The following BACE2 variants were observed in gnomAD, a reference collection of about 807,000 sequenced individuals.
The protein encoded by BACE2 is 56 kDa aspartic-like protease.
BACE2 carries 17 observed loss-of-function variants against 46.2 expected under a neutral mutation model. That is an observed-to-expected ratio of 0.37 (90% confidence interval 0.25 to 0.55). The LOEUF (loss-of-function observed/expected upper bound fraction) is 0.55, where lower values mean the gene tolerates loss of function less well. Ranked by LOEUF, BACE2 falls within the 20% of genes least tolerant of loss-of-function variation. The pLI is 0.82. For synonymous variants in BACE2, 277 were observed against 295.9 expected (o/e 0.94, Z 0.66); for missense variants, 595 against 698.1 (o/e 0.85, Z 1.66).
At chr21:41,218,197 A>G (rs933539629) in intron 1 of BACE2, among the ~76,000 whole-genome samples, 13 of 152,222 alleles carry the variant, frequency 8.5e-5, no homozygotes, top group Admixed American at 2.0e-4. Context: ...CTTTGTGGCT[A>G]TGGAAAGAAT....
At chr21:41,169,752 G>A (rs1204710882) in intron 1 of BACE2, among the ~76,000 whole-genome samples, 1 of 151,992 alleles carries the variant, frequency 6.6e-6, no homozygotes, top group East Asian at 1.9e-4. Flanking sequence ...ATTAGTTTAG[G>A]GGGAAAAAAA....
At chr21:41,253,326 C>T (rs1026653372) in intron 7 of BACE2, among the ~76,000 whole-genome samples, 2 of 151,466 alleles carry the variant, frequency 1.3e-5, no homozygotes, top group Non-Finnish European at 2.9e-5. Context: ...CCTGTAATCC[C>T]AGCTACCTGG....
rs1035665597 is a variant in BACE2 at position 41,236,457 on chromosome 21, G to A, written c.402-1056G>A. Among the ~76,000 whole-genome samples, 9 of 152,274 alleles carry A rather than the reference G, an allele frequency of 5.9e-5. No homozygotes were observed. The South Asian group carries it at 6.2e-4, about 11-fold the overall frequency. On this transcript the variant is annotated intron_variant, in intron 2 of 8. Transcript: ENST00000330333. ...CATAAACTGAGGGGGCAGGACTTTC[G>A]TCTGATCTTGTGAATGTCGTTCTGC...
Position 41,226,237 on chromosome 21 carries a change from A to AT in BACE2, c.313-19dup, listed in dbSNP as rs753326379. 8.7e-3 allele frequency: 11,509 copies of AT among 1,325,906 alleles called. 1 individual carries two copies. The highest frequency in any genetic ancestry group is 9.9e-3 in the Non-Finnish European group (9,531 of 966,660). The allele number at this position is 1,325,906 out of a possible 1,614,324, so 82.1% of individuals were successfully genotyped here. A position where few individuals can be genotyped will look rare whatever the true frequency, so the allele number is the denominator to read the frequency against. On this transcript the variant is annotated intron_variant, in intron 1 of 8. Coordinates refer to ENST00000330333, the MANE Select transcript of BACE2 (RefSeq NM_012105.5). ...TTATTAAAATAACTTGATGCTTTCTATTTTTTTTTTCTCCTTAAAACATAA... is the reference window on the plus strand; with the variant it reads ...TTATTAAAATAACTTGATGCTTTCTATTTTTTTTTTTCTCCTTAAAACATAA...
rs537677612 is a variant in BACE2, at chr21:41,261,158, A to G, written c.1303+3832A>G. On this transcript the variant is annotated intron_variant, in intron 8 of 8. Transcript: ENST00000330333. ...TGTAGATGAATGAGATCACCTAGGA[A>G]TGGAATTTCTAAATGATTTATTATG... Among the ~76,000 whole-genome samples, 4 of 152,308 alleles carry G rather than the reference A, an allele frequency of 2.6e-5. No homozygotes were observed. The South Asian group carries it at 8.3e-4, about 32-fold the overall frequency.
At chr21:41,260,002 T>C (rs1387127063) in intron 8 of BACE2, among the ~76,000 whole-genome samples, 1 of 151,966 alleles carries the variant, frequency 6.6e-6, no homozygotes, top group Non-Finnish European at 1.5e-5. Flanking sequence ...AGATAATTTT[T>C]TGTATTTTCT....
rs1183406716 is a variant in BACE2, at chr21:41,224,273, G to A, written c.313-1993G>A. ...TCTGTCACCCAGGCTGGAATGCAGT[G>A]GTGCGATCTCGGCTCACTGCAACCT... On this transcript the variant is annotated intron_variant, in intron 1 of 8. Transcript: ENST00000330333. Among the ~76,000 whole-genome samples, 20 of 135,688 alleles carry A rather than the reference G, an allele frequency of 1.5e-4. No homozygotes were observed. The Admixed American group carries it at 1.6e-3, about 11-fold the overall frequency. 89.0% of individuals were successfully genotyped at this position (135,688 alleles called of 152,430 possible). A position where few individuals can be genotyped will look rare whatever the true frequency, so the allele number is the denominator to read the frequency against.
In BACE2 at chr21:41,275,527, T is replaced by G. The variant is rs1461309087; in HGVS notation, c.1460T>G (p.Ile487Ser). ...SVCGAILLVL[I>S]VLLLLPFRCQ... ...TGTGGAGCCATCCTCCTTGTCTTAA[T>G]CGTCCTGCTGCTGCTGCCGTTCCGG... The change falls in exon 9 of 9, where the codon ATC becomes AGC. Residue 487 changes from isoleucine to serine, a missense_variant. Around this residue, in one of 3 missense-constraint regions of BACE2, gnomAD observed 343 missense variants for 419.4 expected, o/e 0.82. Coordinates refer to ENST00000330333, the MANE Select transcript of BACE2 (RefSeq NM_012105.5). 6.2e-7 allele frequency: 1 copy of G among 1,613,990 alleles called. No homozygotes were observed. Among genetic ancestry groups the G allele is most frequent in the African/African-American group, 1.3e-5 (1 of 74,910 alleles).
At chr21:41,216,594 C>A (rs1915474262) in intron 1 of BACE2, among the ~76,000 whole-genome samples, 2 of 152,158 alleles carry the variant, frequency 1.3e-5, no homozygotes, top group African/African-American at 4.8e-5. Flanking sequence ...CGGGTCTGGG[C>A]GTGTGAGAAC....
intron 8 of BACE2, among the ~76,000 whole-genome samples, chr21:41,262,953 C>G (rs1300472512): frequency 2.8e-5 from 4 of 142,582 alleles, no homozygotes; most frequent in Non-Finnish European, 4.6e-5. Context: ...TATTTTAAAT[C>G]ACTTGTAGTT....
At chr21:41,208,058 G>C (rs1322644780) in intron 1 of BACE2, among the ~76,000 whole-genome samples, 2 of 152,194 alleles carry the variant, frequency 1.3e-5, no homozygotes, top group Non-Finnish European at 1.5e-5. Context: ...GAAGGGAGAG[G>C]AATGCAGGCA....
In BACE2 at chr21:41,179,297, G is replaced by T. The variant is rs774184796; in HGVS notation, c.312+10722G>T. On this transcript the variant is annotated intron_variant, in intron 1 of 8. Coordinates refer to ENST00000330333, the MANE Select transcript of BACE2 (RefSeq NM_012105.5). ...AGTGAGGGAGTCCAGGGTGAGGATT[G>T]AGGGTGTCAGGGTGAGTGAGAGTGT... The T allele has an allele frequency of 3.1e-6, 4 of 1,310,596 alleles. No homozygotes were observed. In the South Asian group the frequency reaches 5.0e-5, roughly 16 times the overall value. 81.2% of individuals were successfully genotyped at this position (1,310,596 alleles called of 1,614,324 possible).
rs978622898 is a variant in BACE2 at position 41,227,149 on chromosome 21, A to C, written c.401+795A>C. The stretch of plus-strand genomic sequence containing the variant: ...CTAATGCTGTGCACGTTTTGATGTC[A>C]CAACTATTTTTACGATTCTGAAATT... On this transcript the variant is annotated intron_variant, in intron 2 of 8. Coordinates refer to ENST00000330333, the MANE Select transcript of BACE2 (RefSeq NM_012105.5). 5.3e-5 allele frequency among the ~76,000 whole-genome samples: 8 copies of C among 152,244 alleles called. 1 individual carries two copies. Among genetic ancestry groups the C allele is most frequent in the African/African-American group, 1.9e-4 (8 of 41,466 alleles).
intron 2 of BACE2, among the ~76,000 whole-genome samples, chr21:41,227,084 G>A (rs975230166): frequency 4.6e-5 from 7 of 152,220 alleles, no homozygotes; most frequent in African/African-American, 1.7e-4. Flanking sequence ...AGGAGCCCGT[G>A]GGGTCTAGAG....
At position 41,245,997 on chromosome 21, in the gene BACE2, C is replaced by T; in HGVS notation, c.918C>T (p.Thr306=). 2 of 1,611,270 alleles carry T rather than the reference C, an allele frequency of 1.2e-6. No individual in the cohort carries two copies. The highest frequency in any genetic ancestry group is 1.7e-6 in the Non-Finnish European group (2 of 1,178,858). Residue 306 remains threonine (T), a synonymous_variant, in exon 6 of 9, where the codon ACC becomes ACT. Coordinates refer to ENST00000330333, the MANE Select transcript of BACE2 (RefSeq NM_012105.5). ...ACAAGGCCATCGTGGACAGTGGCAC[C>T]ACGCTGCTGCGCCTGCCCCAGAAGG... is the stretch of plus-strand genomic sequence containing the variant. The part of the protein sequence containing the change: ...NADKAIVDSG[T]TLLRLPQKVF...
In BACE2 at chr21:41,245,967, C is replaced by T. The variant is rs150552482; in HGVS notation, c.888C>T (p.Asn296=). The change falls in exon 6 of 9, where the codon AAC becomes AAT. Residue 296 remains asparagine, a synonymous_variant. Coordinates refer to ENST00000330333, the MANE Select transcript of BACE2 (RefSeq NM_012105.5). The part of the protein sequence containing the change: ...QSLNLDCREY[N]ADKAIVDSGT... ...CCTTTCTCTCCCGGTTCAAGTATAA[C>T]GCAGACAAGGCCATCGTGGACAGTG... 2.7e-5 allele frequency: 43 copies of T among 1,607,762 alleles called. No homozygotes were observed. Among genetic ancestry groups the T allele is most frequent in the East Asian group, 2.5e-4 (11 of 44,712 alleles).
intron 1 of BACE2, chr21:41,176,668 G>A (rs752267532): frequency 2.6e-5 from 4 of 152,120 alleles, no homozygotes; most frequent in Admixed American, 6.5e-5. Flanking sequence ...AGCAGGTCGT[G>A]TTCCAAAAAC....
chr21:41,236,337 C>T (rs1987116819), intron 2 of BACE2, among the ~76,000 whole-genome samples: 2 of 152,338 alleles, frequency 1.3e-5, no homozygotes, highest in South Asian at 2.1e-4. Context: ...TCTCCAACCA[C>T]TGGGTCACTT....
intron 8 of BACE2, among the ~76,000 whole-genome samples, chr21:41,268,757 A>G (rs533653523): frequency 2.6e-5 from 4 of 152,312 alleles, no homozygotes; most frequent in African/African-American, 9.6e-5. Flanking sequence ...TCAAAAAAAT[A>G]AAAAGTAATA....
Sources: gnomAD v4.1 joint callset for allele counts (sites outside exome capture counted in the v4.1 genomes callset) on GRCh38, gnomAD v4.1.1 for gene constraint, gnomAD v4.1.1 regional missense constraint, MANE v1.5 for transcripts, NCBI Gene and HGNC (gene_info 2026-07-23, HGNC 2026-07-21) for gene names.